Variants in RB1 observed in about 807,000 individuals in gnomAD.
The protein encoded by RB1 is RB transcriptional corepressor 1.
RB1 carries 18 observed loss-of-function variants against 135.4 expected under a neutral mutation model. The ratio of observed to expected loss-of-function variants is 0.13; its 90% CI spans 0.09 to 0.20. The LOEUF (loss-of-function observed/expected upper bound fraction) is 0.20. RB1 is among the 10% of genes least tolerant of loss of function. The pLI, the probability that RB1 is intolerant of heterozygous loss-of-function variation, is 1.00. For missense variants in RB1, 868 were observed against 1,110.0 expected (o/e 0.78, Z 3.10); for synonymous variants, 365 against 373.2 (o/e 0.98, Z 0.25).
chr13:48,360,895 A>C (rs1443747700), intron 7 of RB1, among the ~76,000 whole-genome samples: 1 of 152,106 alleles, frequency 6.6e-6, no homozygotes, highest in Non-Finnish European at 1.5e-5. Context: ...TAATGCTAAA[A>C]ATAATAGATA....
intron 16 of RB1, 68 bp from the exon 17 acceptor site, chr13:48,381,179 C>T (rs2138144551): frequency 6.6e-7 from 1 of 1,511,138 alleles, no homozygotes; most frequent in African/African-American, 1.4e-5. Flanking sequence ...CTGATAATAA[C>T]TTCCAAAAAA....
intron 11 of RB1, among the ~76,000 whole-genome samples, chr13:48,370,450 G>C (rs1053343857): frequency 6.6e-6 from 1 of 152,196 alleles, no homozygotes; most frequent in African/African-American, 2.4e-5. Flanking sequence ...TTGCAAGTCT[G>C]GGTTTTTGGA....
At chr13:48,343,174 A>G (rs1477942516) in intron 3 of RB1, among the ~76,000 whole-genome samples, 1 of 152,160 alleles carries the variant, frequency 6.6e-6, no homozygotes, top group African/African-American at 2.4e-5. Flanking sequence ...AACATGCTAC[A>G]ATACTTGAAC....
At chr13:48,420,315 G>A (rs376511631) in intron 17 of RB1, among the ~76,000 whole-genome samples, 3 of 152,260 alleles carry the variant, frequency 2.0e-5, no homozygotes, top group Non-Finnish European at 2.9e-5. Flanking sequence ...ATGCAGAAAA[G>A]GCCATTGATG....
rs959077340 is a variant in RB1 at position 48,317,412 on chromosome 13, C to T, written c.264+10006C>T. 1.9e-4 allele frequency: 70 copies of T among 371,762 alleles called. 1 individual carries two copies. The South Asian group carries it at 2.3e-3, about 12-fold the overall frequency. 23.0% of individuals were successfully genotyped at this position (371,762 alleles called of 1,614,324 possible). A position where few individuals can be genotyped will look rare whatever the true frequency, so the allele number is the denominator to read the frequency against. ...ACGGGTTCCGGTGGGTGAAGTCGCTCGAGGGCAGGGTGTGGTCAGCCTGGG... is the reference window on the plus strand; with the variant it reads ...ACGGGTTCCGGTGGGTGAAGTCGCTTGAGGGCAGGGTGTGGTCAGCCTGGG... On this transcript the variant is annotated intron_variant, in intron 2 of 26. Transcript: ENST00000267163.
At chr13:48,415,404 C>T (rs1036407156) in intron 17 of RB1, among the ~76,000 whole-genome samples, 1 of 151,748 alleles carries the variant, frequency 6.6e-6, no homozygotes, top group South Asian at 2.1e-4. Flanking sequence ...CTCAGCCTCC[C>T]GAGTAGCTGG....
chr13:48,360,995 A>T (rs902354380), intron 7 of RB1, among the ~76,000 whole-genome samples: 2 of 152,176 alleles, frequency 1.3e-5, no homozygotes, highest in African/African-American at 4.8e-5. Context: ...AAAATTAAGT[A>T]TGGAGCAGAA....
intron 6 of RB1, among the ~76,000 whole-genome samples, chr13:48,356,585 C>T (rs745505596): frequency 5.9e-5 from 9 of 151,916 alleles, no homozygotes; most frequent in Non-Finnish European, 1.2e-4. Context: ...GTGCCTCCCC[C>T]TCTCCATTTT....
chr13:48,364,865 T>C lies in RB1; in HGVS notation c.862-29T>C, dbSNP rs369036872. ...GATTAGATTTTGTTTTAAATTTTAA[T>C]GATCATGTTGTAACTTCATCTTTTT... On this transcript the variant is annotated intron_variant, in intron 8 of 26. Coordinates refer to ENST00000267163, the MANE Select transcript of RB1 (RefSeq NM_000321.3). The C allele has an allele frequency of 1.7e-4, 261 of 1,544,574 alleles. 1 individual carries two copies. In the African/African-American group the frequency reaches 3.1e-3, roughly 18 times the overall value.
intron 4 of RB1, among the ~76,000 whole-genome samples, chr13:48,346,370 A>ATG (rs61503219): frequency 0.032 from 4,222 of 131,020 alleles, 76 homozygotes; most frequent in Middle Eastern, 0.05. Flanking sequence ...TATTATATAT[A>ATG]TGTGTGTGTG....
intron 6 of RB1, among the ~76,000 whole-genome samples, chr13:48,355,170 G>C (rs1227242982): frequency 7.2e-5 from 11 of 151,936 alleles, no homozygotes; most frequent in Admixed American, 7.2e-4. Context: ...CTACCCCTCT[G>C]ACAAGCAATT....
intron 17 of RB1, among the ~76,000 whole-genome samples, chr13:48,404,746 T>C (rs1200612051): frequency 6.6e-6 from 1 of 152,038 alleles, no homozygotes; most frequent in African/African-American, 2.4e-5. Context: ...AGCCTGATCT[T>C]AAACTCCTGA....
intron 17 of RB1, among the ~76,000 whole-genome samples, chr13:48,416,138 T>C (rs557228922): frequency 9.1e-4 from 139 of 152,198 alleles, no homozygotes; most frequent in South Asian, 4.8e-3. Context: ...CAGATAGATG[T>C]TAAAATGGTG....
chr13:48,335,006 A>T (rs538856036), intron 2 of RB1, among the ~76,000 whole-genome samples: 4 of 152,298 alleles, frequency 2.6e-5, no homozygotes, highest in East Asian at 3.9e-4. Flanking sequence ...TAGATAATTT[A>T]AAAAATGTAT....
intron 2 of RB1, among the ~76,000 whole-genome samples, chr13:48,307,967 A>T (rs1374357040): frequency 6.6e-6 from 1 of 151,772 alleles, no homozygotes; most frequent in African/African-American, 2.4e-5. Flanking sequence ...AAGGACTTTT[A>T]AAAAAACACC....
At chr13:48,461,355 A>G (rs952856634) in intron 20 of RB1, among the ~76,000 whole-genome samples, 1 of 152,092 alleles carries the variant, frequency 6.6e-6, no homozygotes, top group Non-Finnish European at 1.5e-5. Context: ...ATTCCTTTTC[A>G]TTGCCAGACA....
At chr13:48,318,455 C>A in intron 2 of RB1, 4 of 1,412,126 alleles carry the variant, frequency 2.8e-6, no homozygotes, top group Non-Finnish European at 3.9e-6. Context: ...CGGAGCTCTC[C>A]TTCTCGTCCA....
At chr13:48,384,240 T>G (rs1781921606) in intron 17 of RB1, among the ~76,000 whole-genome samples, 1 of 152,128 alleles carries the variant, frequency 6.6e-6, no homozygotes, top group African/African-American at 2.4e-5. Context: ...CAGATGAAAC[T>G]ATAGAGGACT....
chr13:48,426,694 T>C (rs549049016), intron 17 of RB1: 2 of 152,366 alleles, frequency 1.3e-5, no homozygotes, highest in East Asian at 3.9e-4. Flanking sequence ...GAGCAGGAAC[T>C]CGAATCCTAG....
Sources: allele counts gnomAD v4.1 joint callset (sites outside exome capture counted in the v4.1 genomes callset), GRCh38; gene constraint gnomAD v4.1.1; transcripts MANE v1.5; gene names NCBI Gene and HGNC (gene_info 2026-07-23, HGNC 2026-07-21).